The following LRRC69 variants were observed in gnomAD, a reference collection of about 807,000 sequenced individuals.
The protein encoded by LRRC69 is leucine-rich repeat-containing protein 69.
LRRC69 carries 42 observed loss-of-function variants against 37.8 expected under a neutral mutation model. The ratio of observed to expected loss-of-function variants is 1.11; its 90% confidence interval spans 0.87 to 1.44. The LOEUF is 1.44. Ranked by LOEUF, LRRC69 falls within the 40% of genes most tolerant of loss-of-function variation. LRRC69 has a pLI of 0.00. For synonymous variants in LRRC69, 141 were observed against 143.1 expected, an observed-to-expected ratio of 0.99 and a Z score of 0.11; for missense variants, 357 against 401.9, an observed-to-expected ratio of 0.89 and a Z score of 0.96.
rs189743926 is a variant in LRRC69 at position 91,216,885 on chromosome 8, C to T, written c.934-2005C>T. On this transcript the variant is annotated intron_variant, in intron 7 of 7. Coordinates refer to ENST00000448384, the Ensembl canonical transcript of LRRC69. ...TTATAGTTTATACTGTATTGTTTCC[C>T]CAATACAATGTGCACATTCTTGAAT... Among the ~76,000 whole-genome samples, 230 of 152,086 alleles carry T rather than the reference C, an allele frequency of 1.5e-3. 1 individual carries two copies. Among genetic ancestry groups the T allele is most frequent in the Non-Finnish European group, 2.7e-3 (186 of 67,984 alleles).
At chr8:91,193,208 T>G (rs1809532390) in intron 6 of LRRC69, among the ~76,000 whole-genome samples, 1 of 131,560 alleles carries the variant, frequency 7.6e-6, no homozygotes, top group African/African-American at 2.9e-5. Flanking sequence ...TTGATCTATA[T>G]CTCTGTTTTG....
intron 7 of LRRC69, among the ~76,000 whole-genome samples, chr8:91,215,613 T>C (rs1477400609): frequency 6.6e-6 from 1 of 152,200 alleles, no homozygotes; most frequent in Non-Finnish European, 1.5e-5. Context: ...CATTTTACTT[T>C]TTAAAGCTTT....
intron 6 of LRRC69, among the ~76,000 whole-genome samples, chr8:91,198,783 T>C (rs1809663944): frequency 6.6e-6 from 1 of 152,110 alleles, no homozygotes; most frequent in African/African-American, 2.4e-5. Context: ...TTGTATACTC[T>C]CAAAAATTGC....
At chr8:91,107,561 A>G (rs1239112593) in intron 1 of LRRC69, among the ~76,000 whole-genome samples, 2 of 152,060 alleles carry the variant, frequency 1.3e-5, no homozygotes, top group Non-Finnish European at 2.9e-5. Context: ...AAATGTTTAT[A>G]TATTTAAAGC....
chr8:91,105,866 T>C (rs56306245), intron 1 of LRRC69, among the ~76,000 whole-genome samples: 82,299 of 151,724 alleles, frequency 0.54, 23,085 homozygotes, highest in South Asian at 0.67. Context: ...CATCTGTGTC[T>C]CAGGCACTCA....
At chr8:91,218,846 T>A in intron 7 of LRRC69, 44 bp from the exon 8 acceptor site, 1 of 1,222,740 alleles carries the variant, frequency 8.2e-7, no homozygotes, top group Non-Finnish European at 1.2e-6. Flanking sequence ...GAAAAATACT[T>A]ATTGAACACT....
At chr8:91,163,161 C>G (rs1230246438) in intron 5 of LRRC69, among the ~76,000 whole-genome samples, 1 of 151,310 alleles carries the variant, frequency 6.6e-6, no homozygotes, top group African/African-American at 2.4e-5. Flanking sequence ...ACAACTCAGT[C>G]AAAGTAGCCT....
At chr8:91,209,845 G>T (rs1041296718) in intron 7 of LRRC69, among the ~76,000 whole-genome samples, 1 of 152,168 alleles carries the variant, frequency 6.6e-6, no homozygotes, top group Non-Finnish European at 1.5e-5. Context: ...ACAACTAGAA[G>T]ATGGGTAATG....
At chr8:91,118,308 C>T (rs562907557) in intron 1 of LRRC69, 18 of 381,700 alleles carry the variant, frequency 4.7e-5, no homozygotes, top group African/African-American at 4.2e-4. Context: ...AGTTCGAGAC[C>T]AGCCTGGCCA....
chr8:91,212,641 G>C (rs985790833), intron 7 of LRRC69, among the ~76,000 whole-genome samples: 1 of 152,060 alleles, frequency 6.6e-6, no homozygotes. Context: ...AGTTATTACT[G>C]TTAAGATACC....
intron 5 of LRRC69, among the ~76,000 whole-genome samples, chr8:91,182,318 C>T (rs1342592777): frequency 6.6e-6 from 1 of 152,006 alleles, no homozygotes; most frequent in Non-Finnish European, 1.5e-5. Context: ...CATTAAAAAT[C>T]TCTTGTAAAC....
chr8:91,197,567 C>T (rs1270857258), intron 6 of LRRC69, among the ~76,000 whole-genome samples: 2 of 152,076 alleles, frequency 1.3e-5, no homozygotes, highest in African/African-American at 2.4e-5. Context: ...TTAAGCCCGT[C>T]GGAAAAGCGC....
intron 7 of LRRC69, chr8:91,205,699 T>C (rs189105067): frequency 6.6e-6 from 1 of 152,218 alleles, no homozygotes; most frequent in East Asian, 1.9e-4. Flanking sequence ...TAGAAGTGTT[T>C]TCCTCTTGAT....
intron 5 of LRRC69, chr8:91,157,894 C>T (rs922849580): frequency 4.4e-6 from 7 of 1,584,200 alleles, no homozygotes; most frequent in Non-Finnish European, 2.6e-6. Flanking sequence ...GAGAGTTTTA[C>T]ATAGGCTCAA....
At chr8:91,112,856 A>G (rs1223534175) in intron 1 of LRRC69, among the ~76,000 whole-genome samples, 1 of 152,060 alleles carries the variant, frequency 6.6e-6, no homozygotes, top group East Asian at 1.9e-4. Flanking sequence ...CGTTAGAACT[A>G]ATAAATGAAT....
At chr8:91,134,455 T>C (rs1813868998) in intron 4 of LRRC69, among the ~76,000 whole-genome samples, 1 of 150,468 alleles carries the variant, frequency 6.6e-6, no homozygotes, top group Non-Finnish European at 1.5e-5. Context: ...GAAGAAGAAG[T>C]GTCCTAGCTC....
At chr8:91,131,248 TG>T (rs985681740) in intron 3 of LRRC69, among the ~76,000 whole-genome samples, 9 of 151,210 alleles carry the variant, frequency 6.0e-5, no homozygotes, top group African/African-American at 1.9e-4. Flanking sequence ...TTTTTTTTTT[TG>T]TTTTGTTTAA....
intron 5 of LRRC69, among the ~76,000 whole-genome samples, chr8:91,160,431 T>G (rs977386446): frequency 6.6e-6 from 1 of 151,136 alleles, no homozygotes; most frequent in African/African-American, 2.4e-5. Flanking sequence ...AGTACTGACA[T>G]GGTTTGGCTC....
chr8:91,156,669 T>C (rs1808841532), intron 5 of LRRC69, among the ~76,000 whole-genome samples: 1 of 151,056 alleles, frequency 6.6e-6, no homozygotes, highest in Non-Finnish European at 1.5e-5. Context: ...ATTTTGATTT[T>C]GAGTCTTACC....
Sources: allele counts gnomAD v4.1 joint callset (sites outside exome capture counted in the v4.1 genomes callset), GRCh38; gene constraint gnomAD v4.1.1; transcripts MANE v1.5; gene names NCBI Gene and HGNC (gene_info 2026-07-23, HGNC 2026-07-21).